The following PARD3 variants were observed in gnomAD, a reference collection of about 807,000 sequenced individuals.
PARD3 encodes the protein par-3 family cell polarity regulator.
Under a neutral mutation model 155.4 loss-of-function variants are expected in PARD3, and 75 were observed. That is an observed-to-expected ratio of 0.48 (90% CI 0.40 to 0.58). The LOEUF is 0.58. PARD3 is among the 20% of genes least tolerant of loss of function. PARD3 has a pLI of 0.00. For synonymous variants in PARD3, 576 were observed against 610.5 expected (o/e 0.94, Z 0.83); for missense variants, 1,642 against 1,721.7 (o/e 0.95, Z 0.82).
intron 3 of PARD3, among the ~76,000 whole-genome samples, chr10:34,513,439 C>T (rs1479076635): frequency 6.6e-6 from 1 of 152,096 alleles, no homozygotes; most frequent in African/African-American, 2.4e-5. Flanking sequence ...TGCCACCACG[C>T]CCAGGTAATT....
intron 2 of PARD3, among the ~76,000 whole-genome samples, chr10:34,568,225 G>A (rs912231795): frequency 6.6e-6 from 1 of 152,144 alleles, no homozygotes; most frequent in Non-Finnish European, 1.5e-5. Flanking sequence ...GACCATAAAG[G>A]TAAATCGAAA....
intron 1 of PARD3, among the ~76,000 whole-genome samples, chr10:34,756,562 C>A (rs958092559): frequency 7.0e-6 from 1 of 142,486 alleles, no homozygotes; most frequent in East Asian, 2.2e-4. Context: ...CTCAAGTGAT[C>A]TTCCTGCCTC....
intron 2 of PARD3, among the ~76,000 whole-genome samples, chr10:34,565,565 C>T (rs1226951386): frequency 1.3e-5 from 2 of 152,170 alleles, no homozygotes; most frequent in South Asian, 2.1e-4. Flanking sequence ...CGTACCCAGC[C>T]GGGACACTTT....
intron 2 of PARD3, among the ~76,000 whole-genome samples, chr10:34,527,963 T>C (rs938738184): frequency 1.3e-5 from 2 of 152,226 alleles, no homozygotes; most frequent in Admixed American, 6.5e-5. Flanking sequence ...ACTGATTAAA[T>C]TAGGCTCATT....
intron 9 of PARD3, among the ~76,000 whole-genome samples, chr10:34,382,156 A>G (rs1841932333): frequency 6.6e-6 from 1 of 151,522 alleles, no homozygotes; most frequent in Non-Finnish European, 1.5e-5. Flanking sequence ...GGACTTATAC[A>G]GCAAATGGGG....
chr10:34,173,469 G>C (rs1247459657), intron 22 of PARD3, among the ~76,000 whole-genome samples: 2 of 152,100 alleles, frequency 1.3e-5, no homozygotes, highest in Admixed American at 1.3e-4. Context: ...TTATCCACAG[G>C]CTTGATGTAA....
intron 22 of PARD3, among the ~76,000 whole-genome samples, chr10:34,261,434 A>T (rs1465886137): frequency 6.6e-6 from 1 of 152,170 alleles, no homozygotes; most frequent in African/African-American, 2.4e-5. Flanking sequence ...CATGCCTGTA[A>T]TCCCAGCACT....
At chr10:34,613,131 C>A (rs764317460) in intron 2 of PARD3, among the ~76,000 whole-genome samples, 1 of 152,264 alleles carries the variant, frequency 6.6e-6, no homozygotes, top group Admixed American at 6.5e-5. Context: ...AACTAGCCTA[C>A]GATTGCTCAA....
chr10:34,596,942 A>G (rs7080914), intron 2 of PARD3, among the ~76,000 whole-genome samples: 80,061 of 152,092 alleles, frequency 0.53, 24,451 homozygotes, highest in African/African-American at 0.86. Context: ...CCAGCTGTAG[A>G]CTTAAATATA....
In PARD3 at chr10:34,151,802, G is replaced by T. The variant is rs34949263; in HGVS notation, c.3420-20219C>A. 9.4e-3 allele frequency among the ~76,000 whole-genome samples: 1,435 copies of T among 152,202 alleles called. 5 individuals carry two copies. Among genetic ancestry groups the T allele is most frequent in the Admixed American group, 0.014 (216 of 15,282 alleles). On this transcript the variant is annotated intron_variant, in intron 22 of 24. Transcript: ENST00000374788. ...ACCAAGGAGTTGGCTCCATGATATG[G>T]CAACAATGGATCACACAGGCAAAGA...
rs1554814034 is a variant in PARD3 at position 34,227,856 on chromosome 10, T to TATA, written c.3419+41800_3419+41801insTAT. Among the ~76,000 whole-genome samples the TATA allele has an allele frequency of 9.2e-3, 757 of 82,220 alleles. 40 individuals carry two copies. The highest frequency in any genetic ancestry group is 0.045 in the East Asian group (186 of 4,174). The allele number at this position is 82,220 out of a possible 152,430, so 53.9% of individuals were successfully genotyped here. ...TATTCCCAGTAATGGGAATTATTTT[T>TATA]TATATATATATATATATATATATAT... On this transcript the variant is annotated intron_variant, in intron 22 of 24. Transcript: ENST00000374788.
At chr10:34,596,257 G>A (rs2089244071) in intron 2 of PARD3, among the ~76,000 whole-genome samples, 1 of 150,770 alleles carries the variant, frequency 6.6e-6, no homozygotes, top group Non-Finnish European at 1.5e-5. Context: ...TTAAGGAAAT[G>A]TACTCACTTA....
At chr10:34,666,128 G>A (rs2093464457) in intron 2 of PARD3, among the ~76,000 whole-genome samples, 1 of 151,704 alleles carries the variant, frequency 6.6e-6, no homozygotes, top group Non-Finnish European at 1.5e-5. Flanking sequence ...GCTGAAGGCT[G>A]ATGCGGGAGG....
chr10:34,805,939 T>G (rs1843325847), intron 1 of PARD3, among the ~76,000 whole-genome samples: 1 of 151,180 alleles, frequency 6.6e-6, no homozygotes, highest in African/African-American at 2.4e-5. Context: ...ATCACGTCAC[T>G]GCACTCCAGC....
At chr10:34,634,732 T>C (rs1222880738) in intron 2 of PARD3, among the ~76,000 whole-genome samples, 1 of 152,198 alleles carries the variant, frequency 6.6e-6, no homozygotes, top group East Asian at 1.9e-4. Context: ...ACCCTAAACT[T>C]GGTGCTTTCA....
intron 22 of PARD3, among the ~76,000 whole-genome samples, chr10:34,261,710 A>G (rs1954976982): frequency 5.9e-5 from 1 of 17,072 alleles, no homozygotes; most frequent in African/African-American, 2.4e-4. Context: ...GGAAGAAAGG[A>G]AGGAAGAAAG....
At chr10:34,754,427 A>C (rs1168094058) in intron 1 of PARD3, among the ~76,000 whole-genome samples, 1 of 152,210 alleles carries the variant, frequency 6.6e-6, no homozygotes, top group Non-Finnish European at 1.5e-5. Flanking sequence ...ATGAAACATC[A>C]CGTGCTTTGT....
intron 17 of PARD3, 70 bp from the exon 18 acceptor site, chr10:34,336,313 C>A: frequency 1.7e-6 from 2 of 1,174,606 alleles, no homozygotes; most frequent in Non-Finnish European, 1.3e-6. Flanking sequence ...CCACCATTCC[C>A]AGATCTTTTT....
chr10:34,406,021 T>A (rs1844432130), intron 5 of PARD3, among the ~76,000 whole-genome samples: 1 of 152,196 alleles, frequency 6.6e-6, no homozygotes, highest in South Asian at 2.1e-4. Flanking sequence ...TCCTCTTAGA[T>A]GAGTCATCTG....
Sources: allele counts gnomAD v4.1 joint callset (sites outside exome capture counted in the v4.1 genomes callset), GRCh38; gene constraint gnomAD v4.1.1; transcripts MANE v1.5; gene names NCBI Gene and HGNC (gene_info 2026-07-23, HGNC 2026-07-21).